The following CSMD1 variants were observed in gnomAD, a reference collection of about 807,000 sequenced individuals.
CSMD1 encodes the protein CUB and Sushi multiple domains 1.
Under a neutral mutation model 417.5 loss-of-function variants are expected in CSMD1, and 213 were observed. The ratio of observed to expected loss-of-function variants is 0.51; its 90% CI spans 0.46 to 0.57. CSMD1 has a LOEUF of 0.57. CSMD1 is among the 20% of genes least tolerant of loss of function. The pLI, the probability that CSMD1 is intolerant of heterozygous loss-of-function variation, is 0.00. For synonymous variants in CSMD1, 2,862 were observed against 1,736.8 expected, an observed-to-expected ratio of 1.65 and a Z score of -16.11; for missense variants, 6,923 against 4,529.7, an observed-to-expected ratio of 1.53 and a Z score of -15.17.
chr8:4,841,926 A>C (rs985081712), intron 1 of CSMD1, among the ~76,000 whole-genome samples: 5 of 142,148 alleles, frequency 3.5e-5, no homozygotes, highest in East Asian at 2.2e-4. Flanking sequence ...AAAAAAAAAA[A>C]AAAAAAAAAA....
intron 2 of CSMD1, among the ~76,000 whole-genome samples, chr8:4,429,469 C>T (rs1434929665): frequency 1.3e-5 from 2 of 151,646 alleles, no homozygotes; most frequent in Non-Finnish European, 1.5e-5. Context: ...TCTTTGGCAA[C>T]TCCTCCTGTC....
chr8:4,000,799 A>T (rs925263147), intron 4 of CSMD1, among the ~76,000 whole-genome samples: 1 of 151,988 alleles, frequency 6.6e-6, no homozygotes, highest in African/African-American at 2.4e-5. Flanking sequence ...TATACTACAA[A>T]AGTTATGGCA....
intron 5 of CSMD1, among the ~76,000 whole-genome samples, chr8:3,911,451 C>T (rs1027762994): frequency 4.0e-5 from 6 of 151,742 alleles, no homozygotes; most frequent in African/African-American, 1.5e-4. Flanking sequence ...TGGCGTGAAC[C>T]CGCGAGGCGG....
At chr8:4,185,632 C>T (rs541184946) in intron 3 of CSMD1, among the ~76,000 whole-genome samples, 2 of 152,258 alleles carry the variant, frequency 1.3e-5, no homozygotes, top group East Asian at 1.9e-4. Context: ...ATTTAAATAG[C>T]TAATGTAAAA....
chr8:4,336,003 G>A (rs1165822372), intron 3 of CSMD1, among the ~76,000 whole-genome samples: 1 of 152,098 alleles, frequency 6.6e-6, no homozygotes, highest in Non-Finnish European at 1.5e-5. Context: ...TCACTGTCAA[G>A]TTAAGATTTG....
At chr8:3,113,213 G>C (rs563845399) in intron 42 of CSMD1, 1 of 152,388 alleles carries the variant, frequency 6.6e-6, no homozygotes, top group South Asian at 2.1e-4. Flanking sequence ...CTCCTCACCT[G>C]TCTGCCTGGG....
At chr8:4,102,123 T>C (rs1243084889) in intron 3 of CSMD1, among the ~76,000 whole-genome samples, 3 of 152,188 alleles carry the variant, frequency 2.0e-5, no homozygotes, top group Admixed American at 6.5e-5. Flanking sequence ...ATAAGAAATA[T>C]ATAAAAACAA....
chr8:4,874,388 A>ATTTT lies in CSMD1; in HGVS notation c.85+119940_85+119943dup, dbSNP rs3038302. ...GGAGGAGATCTTTCAATCCGATTGT[A>ATTTT]TTTTTTTTTTTTTTTTTCTGAGACG... On this transcript the variant is annotated intron_variant, in intron 1 of 69. Coordinates refer to ENST00000635120, the MANE Select transcript of CSMD1 (RefSeq NM_033225.6). Among the ~76,000 whole-genome samples, 40 of 133,504 alleles carry ATTTT rather than the reference A, an allele frequency of 3.0e-4. 2 individuals carry two copies. Among genetic ancestry groups the ATTTT allele is most frequent in the South Asian group, 9.3e-4 (4 of 4,316 alleles). 87.6% of individuals were successfully genotyped at this position (133,504 alleles called of 152,430 possible).
chr8:4,541,229 A>T (rs1227653734), intron 2 of CSMD1, among the ~76,000 whole-genome samples: 1 of 152,128 alleles, frequency 6.6e-6, no homozygotes, highest in Admixed American at 6.5e-5. Flanking sequence ...TTTGCCAGTA[A>T]CTACTGTGTG....
intron 1 of CSMD1, among the ~76,000 whole-genome samples, chr8:4,663,398 G>A (rs1213239678): frequency 1.3e-5 from 2 of 152,182 alleles, no homozygotes; most frequent in Non-Finnish European, 2.9e-5. Context: ...GATGCTAAGT[G>A]ATTGGTTTGG....
intron 51 of CSMD1, among the ~76,000 whole-genome samples, chr8:3,028,843 T>C (rs74524502): frequency 0.017 from 2,587 of 152,302 alleles, 22 homozygotes; most frequent in East Asian, 0.038. Flanking sequence ...TATTTTTCTA[T>C]TTCACCATAT....
chr8:4,006,514 G>A lies in CSMD1; in HGVS notation c.611-8404C>T, dbSNP rs1037383571. Among the ~76,000 whole-genome samples the A allele has an allele frequency of 7.2e-5, 11 of 152,228 alleles. No individual in the cohort carries two copies. The South Asian group carries it at 1.9e-3, about 26-fold the overall frequency. On this transcript the variant is annotated intron_variant, in intron 4 of 69. Coordinates refer to ENST00000635120, the MANE Select transcript of CSMD1 (RefSeq NM_033225.6). ...AGCCAAGATCACCCCACTGCACTTG[G>A]CCTGAGCGACAGAGTGAGGCCTTGC... is the stretch of plus-strand genomic sequence containing the variant.
chr8:4,947,126 G>A (rs1022776708), intron 1 of CSMD1, among the ~76,000 whole-genome samples: 1 of 152,106 alleles, frequency 6.6e-6, no homozygotes, highest in South Asian at 2.1e-4. Flanking sequence ...GTATCCATCT[G>A]TGCATAAATT....
chr8:4,975,923 A>G (rs1202512362), intron 1 of CSMD1, among the ~76,000 whole-genome samples: 1 of 152,244 alleles, frequency 6.6e-6, no homozygotes, highest in Admixed American at 6.5e-5. Context: ...CACATTGGCC[A>G]TATGTGATAA....
intron 3 of CSMD1, among the ~76,000 whole-genome samples, chr8:4,108,595 G>T (rs1035820945): frequency 6.6e-6 from 1 of 152,108 alleles, no homozygotes; most frequent in Non-Finnish European, 1.5e-5. Flanking sequence ...TTTCCACACG[G>T]CAACAGCACA....
intron 3 of CSMD1, among the ~76,000 whole-genome samples, chr8:4,095,349 C>T (rs774625324): frequency 6.6e-6 from 1 of 152,036 alleles, no homozygotes; most frequent in Non-Finnish European, 1.5e-5. Context: ...TCCTGCATTG[C>T]CTGGTTGTAT....
intron 5 of CSMD1, among the ~76,000 whole-genome samples, chr8:3,767,184 A>G (rs1584965453): frequency 6.6e-6 from 1 of 152,224 alleles, no homozygotes; most frequent in East Asian, 1.9e-4. Context: ...TCACGCTGCC[A>G]TCGTAGAAAG....
intron 7 of CSMD1, among the ~76,000 whole-genome samples, chr8:3,679,676 CA>C (rs1372655735): frequency 5.3e-5 from 8 of 152,136 alleles, no homozygotes; most frequent in Non-Finnish European, 1.2e-4. Context: ...AGCTCTGCAC[CA>C]AGCAGACCTA....
chr8:4,535,557 A>G (rs968066852), intron 2 of CSMD1, among the ~76,000 whole-genome samples: 7 of 152,062 alleles, frequency 4.6e-5, no homozygotes, highest in African/African-American at 9.7e-5. Context: ...AGAGCTCTCC[A>G]AGTTACTCGT....
Sources: allele counts gnomAD v4.1 joint callset (sites outside exome capture counted in the v4.1 genomes callset), GRCh38; gene constraint gnomAD v4.1.1; transcripts MANE v1.5; gene names NCBI Gene and HGNC (gene_info 2026-07-23, HGNC 2026-07-21).